AOX1: variants seen among roughly 807,000 people sequenced by gnomAD.
AOX1 encodes the protein aldehyde oxidase.
A neutral mutation model predicts 169.5 loss-of-function variants in AOX1; 153 were observed. The observed-to-expected ratio is 0.90, with a 90% CI of 0.79 to 1.03. AOX1 has a LOEUF of 1.03. AOX1 is among the 50% of genes least tolerant of loss of function. AOX1 has a pLI of 0.00. For missense variants in AOX1, 1,656 were observed against 1,663.9 expected (o/e 1.00, Z 0.08); for synonymous variants, 562 against 581.9 (o/e 0.97, Z 0.49).
At chr2:200,616,889 A>T (rs1415037241) in intron 16 of AOX1, among the ~76,000 whole-genome samples, 1 of 152,198 alleles carries the variant, frequency 6.6e-6, no homozygotes, top group African/African-American at 2.4e-5. Flanking sequence ...ATGAACATTG[A>T]CGTTGGTGTG....
chr2:200,641,751 C>G (rs1282962734), intron 24 of AOX1, among the ~76,000 whole-genome samples: 1 of 152,026 alleles, frequency 6.6e-6, no homozygotes, highest in Non-Finnish European at 1.5e-5. Flanking sequence ...CAGAGCTGAT[C>G]TCAAACTACT....
At position 200,604,797 on chromosome 2, in the gene AOX1, C is replaced by A. The variant is rs111418349; in HGVS notation, c.771C>A (p.Phe257Leu). Residue 257 changes from phenylalanine (F) to leucine (L), a missense_variant, in exon 9 of 35, where the codon TTC becomes TTA. By Grantham distance (22) the Phe-to-Leu change is conservative (BLOSUM62 0). Transcript: ENST00000374700. ...VTLKELLEFK[F>L]KYPQAPVIMG... Reference sequence around the variant, plus strand: ...TGAAGGAACTGCTGGAATTTAAATTCAAGTATCCCCAGGCTCCTGTTATCA... The same window carrying A: ...TGAAGGAACTGCTGGAATTTAAATTAAAGTATCCCCAGGCTCCTGTTATCA... 1 of 1,596,326 alleles carries A rather than the reference C, an allele frequency of 6.3e-7. No individual in the cohort carries two copies. Among genetic ancestry groups the A allele is most frequent in the Non-Finnish European group, 8.6e-7 (1 of 1,168,964 alleles).
intron 2 of AOX1, 91 bp downstream of exon 2, chr2:200,593,294 A>G (rs1195560746): frequency 2.0e-6 from 2 of 1,012,704 alleles, no homozygotes; most frequent in Non-Finnish European, 3.1e-6. Context: ...TATACATTAG[A>G]GACACTGAGA....
chr2:200,628,819 G>A (rs1218473722), intron 20 of AOX1, among the ~76,000 whole-genome samples: 1 of 152,036 alleles, frequency 6.6e-6, no homozygotes, highest in East Asian at 1.9e-4. Context: ...CCCAGCTACT[G>A]AGGAGGCTGA....
At chr2:200,622,723 T>C (rs1282038605) in intron 18 of AOX1, among the ~76,000 whole-genome samples, 2 of 152,354 alleles carry the variant, frequency 1.3e-5, no homozygotes, top group East Asian at 3.9e-4. Flanking sequence ...CACATCTATG[T>C]GCCAGGTCAC....
chr2:200,660,489 G>A (rs1327306261), intron 29 of AOX1, among the ~76,000 whole-genome samples: 8 of 152,208 alleles, frequency 5.3e-5, no homozygotes, highest in African/African-American at 1.9e-4. Flanking sequence ...TTTAGAAATA[G>A]GAAACCAAGC....
chr2:200,669,531 G>A (rs1395797784), intron 33 of AOX1, 44 bp from the exon 34 acceptor site: 4 of 1,602,052 alleles, frequency 2.5e-6, no homozygotes, highest in Non-Finnish European at 3.4e-6. Flanking sequence ...TATATACAGA[G>A]TGAGAGAGAG....
chr2:200,603,745 G>A (rs2034459224), intron 7 of AOX1, among the ~76,000 whole-genome samples: 1 of 152,214 alleles, frequency 6.6e-6, no homozygotes. Context: ...AGCTGTGTCT[G>A]CGGCTGCTGC....
chr2:200,586,485 A>C (rs1226545000), intron 1 of AOX1, among the ~76,000 whole-genome samples: 4 of 152,202 alleles, frequency 2.6e-5, no homozygotes, highest in Non-Finnish European at 5.9e-5. Context: ...ATCAGGGGTC[A>C]GCACTCCCAG....
rs141482683 is a variant in AOX1, at chr2:200,638,037, A to G, written c.2481-178A>G. The G allele has an allele frequency of 3.8e-3, 2,029 of 528,882 alleles. 16 individuals carry two copies. Among genetic ancestry groups the G allele is most frequent in the South Asian group, 0.01 (516 of 49,914 alleles). 32.8% of individuals were successfully genotyped at this position (528,882 alleles called of 1,614,324 possible). On this transcript the variant is annotated intron_variant, in intron 22 of 34. Transcript: ENST00000374700. ...AATGCCTGGCATTATTCCCTGACCTAACGGGAGGAAAGCCCACGGTGTATG... is the reference window on the plus strand; with the variant it reads ...AATGCCTGGCATTATTCCCTGACCTGACGGGAGGAAAGCCCACGGTGTATG...
At chr2:200,596,186 C>T (rs2034280251) in intron 3 of AOX1, among the ~76,000 whole-genome samples, 1 of 152,240 alleles carries the variant, frequency 6.6e-6, no homozygotes, top group Non-Finnish European at 1.5e-5. Flanking sequence ...TTTCAGATAT[C>T]TGCCTGTGTT....
At chr2:200,602,534 G>C (rs534989961) in intron 6 of AOX1, among the ~76,000 whole-genome samples, 189 bp downstream of exon 6, 8 of 152,104 alleles carry the variant, frequency 5.3e-5, no homozygotes, top group Non-Finnish European at 1.0e-4. Context: ...TTGCCTTGGT[G>C]GTCGCATAAT....
intron 2 of AOX1, 113 bp downstream of exon 2, chr2:200,593,316 C>A (rs2034213804): frequency 2.3e-6 from 2 of 879,306 alleles, no homozygotes; most frequent in African/African-American, 1.7e-5. Context: ...ATATTCCCTA[C>A]TATCATGGTT....
intron 5 of AOX1, among the ~76,000 whole-genome samples, chr2:200,601,891 C>T (rs927845860): frequency 6.6e-6 from 1 of 152,032 alleles, no homozygotes; most frequent in Non-Finnish European, 1.5e-5. Context: ...TGAGACTGCA[C>T]CACCGCACCT....
At chr2:200,677,596 C>T (rs1430046952), downstream of AOX1, among the ~76,000 whole-genome samples, 1 of 152,144 alleles carries the variant, frequency 6.6e-6, no homozygotes, top group African/African-American at 2.4e-5. Flanking sequence ...ATCCAGAAAG[C>T]CAGGAATAAA....
Position 200,597,657 on chromosome 2 carries a change from C to T in AOX1, c.309+152C>T, listed in dbSNP as rs895657786. ...AGCTGGGAACAAGAGTGAAGCCTGG[C>T]ATATTGGGATATGTGAGTGTTTCTG... On this transcript the variant is annotated intron_variant, in intron 4 of 34. Transcript: ENST00000374700. 1.1e-5 allele frequency: 5 copies of T among 459,342 alleles called. No homozygotes were observed. The East Asian group carries it at 1.3e-4, about 12-fold the overall frequency. 28.5% of individuals were successfully genotyped at this position (459,342 alleles called of 1,614,324 possible). A position where few individuals can be genotyped will look rare whatever the true frequency, so the allele number is the denominator to read the frequency against.
intron 25 of AOX1, among the ~76,000 whole-genome samples, chr2:200,650,390 T>C (rs955728772): frequency 1.3e-5 from 2 of 152,196 alleles, no homozygotes; most frequent in African/African-American, 4.8e-5. Flanking sequence ...GCTATGAGTT[T>C]TCTCAGCTGA....
rs1384519439 is a variant in AOX1, at chr2:200,668,911, A to T, written c.3798+108A>T. The T allele has an allele frequency of 3.3e-6, 3 of 915,988 alleles. No homozygotes were observed. In the African/African-American group the frequency reaches 5.2e-5, roughly 16 times the overall value. The allele number at this position is 915,988 out of a possible 1,614,324, so 56.7% of individuals were successfully genotyped here. A position where few individuals can be genotyped will look rare whatever the true frequency, so the allele number is the denominator to read the frequency against. On this transcript the variant is annotated intron_variant, in intron 33 of 34. Coordinates refer to ENST00000374700, the MANE Select transcript of AOX1 (RefSeq NM_001159.4). ...TTTGGGATTTTTACCAGGATTGCAGAAGAAAAATTCTTATTAAACATTTTA... is the reference window on the plus strand; with the variant it reads ...TTTGGGATTTTTACCAGGATTGCAGTAGAAAAATTCTTATTAAACATTTTA...
chr2:200,642,702 C>T lies in AOX1; in HGVS notation c.2748C>T (p.Ser916=). The T allele has an allele frequency of 6.2e-7, 1 of 1,614,158 alleles. No homozygotes were observed. Among genetic ancestry groups the T allele is most frequent in the Non-Finnish European group, 8.5e-7 (1 of 1,180,008 alleles). ...GGGCATGCAGAACCAACCTTCCATCCAACACAGCTTTTCGTGGGTTTGGCT... is the reference window on the plus strand; with the variant it reads ...GGGCATGCAGAACCAACCTTCCATCTAACACAGCTTTTCGTGGGTTTGGCT... The part of the protein sequence containing the change: ...RGWACRTNLP[S]NTAFRGFGFP... Residue 916 remains serine, a synonymous_variant, in exon 25 of 35, where the codon TCC becomes TCT. Transcript: ENST00000374700.
Sources: allele counts gnomAD v4.1 joint callset (sites outside exome capture counted in the v4.1 genomes callset), GRCh38; gene constraint gnomAD v4.1.1; transcripts MANE v1.5; gene names NCBI Gene and HGNC (gene_info 2026-07-23, HGNC 2026-07-21).